Variants in SLC38A12 observed in about 807,000 individuals in gnomAD.
SLC38A12 encodes the protein solute carrier family 38 member 12, also known as putative sodium-coupled neutral amino acid transporter 12.
At chr17:74,779,549 C>G in the SLC38A12 span, among the ~76,000 whole-genome samples, 5 of 152,196 alleles carry the variant, frequency 3.3e-5, no homozygotes, top group African/African-American at 1.2e-4. Context: ...CTCCCCCGTC[C>G]TGGAACAATT....
At chr17:74,820,132 CA>C in the SLC38A12 span, among the ~76,000 whole-genome samples, 9 of 152,218 alleles carry the variant, frequency 5.9e-5, no homozygotes, top group Admixed American at 1.3e-4. Flanking sequence ...ATTCTAGGAC[CA>C]GCTTCTTTCT....
At chr17:74,819,624 C>T in the SLC38A12 span, 1 of 843,578 alleles carries the variant, frequency 1.2e-6, no homozygotes, top group South Asian at 1.5e-5. Context: ...TCTGCCAGTC[C>T]AGGTGTGCCC....
chr17:74,785,411 G>A, the SLC38A12 span: 17 of 1,567,284 alleles, frequency 1.1e-5, no homozygotes, highest in East Asian at 6.8e-5. Context: ...CACCAGGGTC[G>A]TTCCTTGGGA....
the SLC38A12 span, among the ~76,000 whole-genome samples, chr17:74,793,599 G>C: frequency 2.0e-5 from 3 of 152,188 alleles, no homozygotes; most frequent in Non-Finnish European, 4.4e-5. Context: ...AGGGCCAATG[G>C]CAGTTTATAA....
chr17:74,834,154 A>G, the SLC38A12 span, among the ~76,000 whole-genome samples: 1 of 152,118 alleles, frequency 6.6e-6, no homozygotes, highest in Non-Finnish European at 1.5e-5. Flanking sequence ...GGGCAAGCAG[A>G]TTGCTCAGGG....
chr17:74,795,275 G>C, the SLC38A12 span, among the ~76,000 whole-genome samples: 3 of 152,204 alleles, frequency 2.0e-5, no homozygotes, highest in Non-Finnish European at 4.4e-5. Flanking sequence ...CAGCCATGCT[G>C]TCTGTCCTTA....
chr17:74,795,519 A>G, the SLC38A12 span: 78 of 1,613,350 alleles, frequency 4.8e-5, 1 homozygote, highest in East Asian at 1.7e-3. Context: ...CATTCTCTTT[A>G]TCAGCAGCGC....
the SLC38A12 span, chr17:74,819,923 G>GC: frequency 9.9e-6 from 13 of 1,309,750 alleles, no homozygotes; most frequent in African/African-American, 5.8e-5. Flanking sequence ...GCCGTGCAGG[G>GC]CCCCCAGCCG....
At chr17:74,829,538 C>T in the SLC38A12 span, among the ~76,000 whole-genome samples, 19 of 152,276 alleles carry the variant, frequency 1.2e-4, no homozygotes, top group East Asian at 3.3e-3. The surrounding 1 kb of genome is among the most constrained non-coding windows in gnomAD (Gnocchi z 4.1). Flanking sequence ...TGTCAGAGCC[C>T]AATGGGTTTG....
the SLC38A12 span, among the ~76,000 whole-genome samples, chr17:74,798,063 A>C: frequency 6.6e-6 from 1 of 152,208 alleles, no homozygotes; most frequent in East Asian, 1.9e-4. Context: ...GTGTTCAGCA[A>C]GGCAGCGAGC....
At chr17:74,818,741 T>C in the SLC38A12 span, among the ~76,000 whole-genome samples, 6 of 152,202 alleles carry the variant, frequency 3.9e-5, no homozygotes, top group Admixed American at 3.9e-4. Flanking sequence ...AAAATGGCAC[T>C]GTGTAAATGT....
the SLC38A12 span, among the ~76,000 whole-genome samples, chr17:74,802,295 G>A: frequency 6.6e-6 from 1 of 152,142 alleles, no homozygotes; most frequent in African/African-American, 2.4e-5. Context: ...CAATACCTAT[G>A]CGCCAGTTGA....
the SLC38A12 span, chr17:74,838,320 G>A: frequency 1.0e-6 from 1 of 986,746 alleles, no homozygotes; most frequent in Non-Finnish European, 1.2e-6. Flanking sequence ...AGGTTGGGTA[G>A]AGCAGGGGCC....
the SLC38A12 span, among the ~76,000 whole-genome samples, chr17:74,783,398 C>G: frequency 1.3e-5 from 2 of 152,180 alleles, no homozygotes; most frequent in East Asian, 3.8e-4. Context: ...CACAAGGATT[C>G]AAAGGCGGGA....
At chr17:74,813,156 G>A in the SLC38A12 span, among the ~76,000 whole-genome samples, 1 of 152,212 alleles carries the variant, frequency 6.6e-6, no homozygotes, top group Non-Finnish European at 1.5e-5. Context: ...TCCAGGATGA[G>A]AACAAAAGCG....
chr17:74,788,928 G>T, the SLC38A12 span: 1 of 1,513,632 alleles, frequency 6.6e-7, no homozygotes. Context: ...TACCCAGCAG[G>T]CGGTCTCAGC....
At chr17:74,833,013 G>A in the SLC38A12 span, among the ~76,000 whole-genome samples, 4 of 130,802 alleles carry the variant, frequency 3.1e-5, no homozygotes, top group South Asian at 7.3e-4. Context: ...ACCCATATCC[G>A]TGGCTTGTTT....
chr17:74,790,959 G>T, the SLC38A12 span: 1 of 1,614,096 alleles, frequency 6.2e-7, no homozygotes, highest in Non-Finnish European at 8.5e-7. Context: ...TCTGCAGAGA[G>T]ACGTGGATCT....
At chr17:74,801,108 T>TGG in the SLC38A12 span, among the ~76,000 whole-genome samples, 1 of 152,110 alleles carries the variant, frequency 6.6e-6, no homozygotes, top group Non-Finnish European at 1.5e-5. Flanking sequence ...AGTGCCTCCT[T>TGG]TATAGGATGG....
Sources: gnomAD v4.1 joint callset for allele counts (sites outside exome capture counted in the v4.1 genomes callset) on GRCh38, gnomAD v4.1.1 for gene constraint, Gnocchi (gnomAD v3.1) non-coding constraint, MANE v1.5 for transcripts, NCBI Gene and HGNC (gene_info 2026-07-23, HGNC 2026-07-21) for gene names.